Variants in DUSP14 observed in about 807,000 individuals in gnomAD.
DUSP14 encodes dual specificity protein phosphatase 14.
Under a neutral mutation model 13.2 loss-of-function variants are expected in DUSP14, and 5 were observed. That is an observed-to-expected ratio of 0.38 (90% confidence interval 0.20 to 0.80). The LOEUF is 0.80. Ranked by LOEUF, DUSP14 falls within the 30% of genes least tolerant of loss-of-function variation. The pLI is 0.44. For synonymous variants in DUSP14, 91 were observed against 103.4 expected, an observed-to-expected ratio of 0.88 and a Z score of 0.73; for missense variants, 185 against 264.0, an observed-to-expected ratio of 0.70 and a Z score of 2.07.
intron 1 of DUSP14, among the ~76,000 whole-genome samples, chr17:37,492,741 G>C (rs996756352): frequency 7.2e-5 from 11 of 152,166 alleles, no homozygotes; most frequent in African/African-American, 2.7e-4. Context: ...TGGATAATTT[G>C]ATGGATTATT....
chr17:37,510,311 C>G (rs1180057167), intron 1 of DUSP14: 2 of 152,278 alleles, frequency 1.3e-5, no homozygotes, highest in Admixed American at 1.3e-4. Context: ...GGCTGGCTAA[C>G]GGTGCATGGA....
chr17:37,505,791 T>G (rs759890105), intron 1 of DUSP14, among the ~76,000 whole-genome samples: 52 of 152,308 alleles, frequency 3.4e-4, no homozygotes, highest in Non-Finnish European at 6.2e-4. Context: ...GCTACAAGGC[T>G]GATGCCCGCA....
chr17:37,506,486 C>A (rs574602303), intron 1 of DUSP14, among the ~76,000 whole-genome samples: 1 of 152,226 alleles, frequency 6.6e-6, no homozygotes, highest in South Asian at 2.1e-4. Flanking sequence ...CTTAAGCATT[C>A]TTCCTGGTCA....
intron 1 of DUSP14, among the ~76,000 whole-genome samples, chr17:37,506,028 T>C (rs912111765): frequency 6.6e-6 from 1 of 152,030 alleles, no homozygotes; most frequent in African/African-American, 2.4e-5. Context: ...TTTGGGAGGC[T>C]AAGGCAGGTG....
intron 1 of DUSP14, among the ~76,000 whole-genome samples, chr17:37,498,314 CTTTTTTTTTTTTTTTTTT>C (rs765033929): frequency 1.4e-5 from 1 of 70,558 alleles, no homozygotes; most frequent in Non-Finnish European, 2.5e-5. Context: ...TAGATTGTAT[CTTTTTTTTTTTTTTTTTT>C]TTTTTTTTTT....
chr17:37,505,362 G>A (rs890579923), intron 1 of DUSP14, among the ~76,000 whole-genome samples: 10 of 152,180 alleles, frequency 6.6e-5, no homozygotes, highest in African/African-American at 2.2e-4. Flanking sequence ...AGTGAGACTC[G>A]GTCTCAAAAC....
intron 1 of DUSP14, among the ~76,000 whole-genome samples, chr17:37,503,435 A>G (rs1287038616): frequency 1.3e-5 from 2 of 150,228 alleles, no homozygotes; most frequent in African/African-American, 5.0e-5. Context: ...CAAAAACAAA[A>G]CAAAAAACAA....
chr17:37,496,611 G>A (rs565190239), intron 1 of DUSP14, among the ~76,000 whole-genome samples: 123 of 152,232 alleles, frequency 8.1e-4, no homozygotes, highest in Non-Finnish European at 1.4e-3. Flanking sequence ...AAAATTAGCC[G>A]GGAGTGGTCG....
intron 1 of DUSP14, chr17:37,491,436 T>A (rs578104960): frequency 1.3e-5 from 2 of 152,270 alleles, no homozygotes; most frequent in Admixed American, 6.5e-5. Context: ...GCTTGACACA[T>A]GGGCCCTATT....
At chr17:37,509,239 C>T (rs1270401976) in intron 1 of DUSP14, among the ~76,000 whole-genome samples, 1 of 54,350 alleles carries the variant, frequency 1.8e-5, no homozygotes, top group African/African-American at 8.8e-5. Context: ...ACACTATATA[C>T]ACACTATATA....
chr17:37,511,809 C>CA (rs1440195594), intron 2 of DUSP14, among the ~76,000 whole-genome samples: 1 of 150,902 alleles, frequency 6.6e-6, no homozygotes, highest in African/African-American at 2.4e-5. Context: ...GATGGGGTCT[C>CA]ACTGTGTTGC....
intron 1 of DUSP14, chr17:37,491,415 C>T (rs1023631859): frequency 1.3e-5 from 2 of 152,270 alleles, no homozygotes; most frequent in African/African-American, 4.8e-5. Context: ...GGAAGGAGCC[C>T]TGCACAGGAG....
chr17:37,509,135 A>ATATATATATG lies in DUSP14; in HGVS notation c.-180-1542_-180-1541insTATATATATG, dbSNP rs1568204456. On this transcript the variant is annotated intron_variant, in intron 1 of 2. Coordinates refer to ENST00000617516, the MANE Select transcript of DUSP14 (RefSeq NM_007026.4). ...TATATATATATATATATATACACAC[A>ATATATATATG]CACACACACACACACACACACACAC... Among the ~76,000 whole-genome samples the ATATATATATG allele has an allele frequency of 3.5e-3, 137 of 38,954 alleles. 12 individuals are homozygous for ATATATATATG. The East Asian group carries it at 0.055, about 16-fold the overall frequency. 25.6% of individuals were successfully genotyped at this position (38,954 alleles called of 152,430 possible).
chr17:37,504,748 T>G (rs2054126956), intron 1 of DUSP14, among the ~76,000 whole-genome samples: 1 of 152,116 alleles, frequency 6.6e-6, no homozygotes, highest in African/African-American at 2.4e-5. Context: ...CGGCTAATTT[T>G]TAAAATTTTT....
intron 1 of DUSP14, among the ~76,000 whole-genome samples, chr17:37,504,336 G>C (rs2054123751): frequency 6.6e-6 from 1 of 152,236 alleles, no homozygotes; most frequent in Admixed American, 6.5e-5. Context: ...ATGTCACACT[G>C]AGGGACTATC....
At chr17:37,499,483 G>C (rs1340437144) in intron 1 of DUSP14, among the ~76,000 whole-genome samples, 1 of 152,054 alleles carries the variant, frequency 6.6e-6, no homozygotes, top group Non-Finnish European at 1.5e-5. Context: ...GGGATTACAG[G>C]TGTGAGCCAC....
intron 1 of DUSP14, among the ~76,000 whole-genome samples, chr17:37,504,086 C>T (rs1229615747): frequency 3.3e-5 from 5 of 152,176 alleles, no homozygotes; most frequent in East Asian, 3.9e-4. Flanking sequence ...CCCAGCTACT[C>T]GGGAGGCTGA....
At chr17:37,490,403 A>C (rs2054019675) in intron 1 of DUSP14, among the ~76,000 whole-genome samples, 1 of 152,184 alleles carries the variant, frequency 6.6e-6, no homozygotes, top group Non-Finnish European at 1.5e-5. Flanking sequence ...GGATAGAAGC[A>C]ACTTGACTTT....
At chr17:37,509,119 A>ATGTGTG (rs1168635458) in intron 1 of DUSP14, among the ~76,000 whole-genome samples, 2 of 21,084 alleles carry the variant, frequency 9.5e-5, no homozygotes, top group African/African-American at 3.1e-4. Flanking sequence ...ATATATATAT[A>ATGTGTG]TATATATATA....
Sources: gnomAD v4.1 joint callset for allele counts (sites outside exome capture counted in the v4.1 genomes callset) on GRCh38, gnomAD v4.1.1 for gene constraint, MANE v1.5 for transcripts, NCBI Gene and HGNC (gene_info 2026-07-23, HGNC 2026-07-21) for gene names.